TG: variants seen among roughly 807,000 people sequenced by gnomAD.
TG encodes thyroid hormones.
TG carries 270 observed loss-of-function variants against 324.7 expected under a neutral mutation model. The ratio of observed to expected loss-of-function variants is 0.83; its 90% CI spans 0.75 to 0.92. The LOEUF (loss-of-function observed/expected upper bound fraction) is 0.92, where lower values mean the gene tolerates loss of function less well. Among genes scored for constraint, TG ranks in the 40% least tolerant of loss-of-function variants. The pLI is 0.00. For missense variants in TG, 3,591 were observed against 3,456.4 expected (o/e 1.04, Z -0.98); for synonymous variants, 1,401 against 1,327.0 (o/e 1.06, Z -1.21).
At chr8:133,102,545 C>T in intron 43 of TG, 1 of 1,551,594 alleles carries the variant, frequency 6.4e-7, no homozygotes, top group Non-Finnish European at 8.7e-7. Flanking sequence ...GCAAAGTTAG[C>T]AACCTACCGG....
chr8:133,029,743 T>C, intron 40 of TG, 78 bp from the exon 41 acceptor site: 1 of 1,579,230 alleles, frequency 6.3e-7, no homozygotes, highest in Middle Eastern at 1.9e-4. Flanking sequence ...CATATATGCC[T>C]GCCATAGACA....
intron 40 of TG, among the ~76,000 whole-genome samples, chr8:133,024,374 CTTTCTTTCTTTCTTTCTT>C (rs779173622): frequency 0.041 from 4,261 of 103,300 alleles, 183 homozygotes; most frequent in Middle Eastern, 0.074. Flanking sequence ...TTCTTTCTTT[CTTTCTTTCTTTCTTTCTT>C]TTTCTTTTTT....
intron 20 of TG, among the ~76,000 whole-genome samples, chr8:132,915,282 G>A (rs1036245555): frequency 9.2e-5 from 14 of 152,152 alleles, no homozygotes; most frequent in African/African-American, 3.4e-4. Context: ...TGTTGACTCT[G>A]TGCCTTCAAG....
intron 43 of TG, among the ~76,000 whole-genome samples, chr8:133,096,803 C>A (rs1368413556): frequency 6.6e-6 from 1 of 152,192 alleles, no homozygotes; most frequent in Non-Finnish European, 1.5e-5. Context: ...CACCAGGCTT[C>A]CAAGTTAAAT....
At chr8:132,919,105 C>T (rs576016619) in intron 20 of TG, among the ~76,000 whole-genome samples, 2 of 152,184 alleles carry the variant, frequency 1.3e-5, no homozygotes, top group Non-Finnish European at 2.9e-5. Context: ...AACAACCCCC[C>T]TCTTTATTTT....
rs1282078917 is a variant in TG, at chr8:132,882,915, C to T, written c.991C>T (p.Gln331Ter). 1 of 1,614,206 alleles carries T rather than the reference C, an allele frequency of 6.2e-7. No homozygotes were observed. Reference protein sequence around the residue: ...RNGDYQAVQCQTEGPCWCVDA... With the variant: ...RNGDYQAVQC ...TGGCGACTATCAGGCGGTGCAGTGCCAGACGGAAGGGCCCTGCTGGTGTGT... is the reference window on the plus strand; with the variant it reads ...TGGCGACTATCAGGCGGTGCAGTGCTAGACGGAAGGGCCCTGCTGGTGTGT... The change falls in exon 8 of 48, where the codon CAG (glutamine) becomes TAG (stop). Residue 331 changes from glutamine to a stop codon, truncating the protein, a stop_gained. Transcript: ENST00000220616. LOFTEE classifies it high-confidence loss of function.
At chr8:133,127,394 A>G (rs1463461561) in intron 45 of TG, among the ~76,000 whole-genome samples, 1 of 152,212 alleles carries the variant, frequency 6.6e-6, no homozygotes, top group Admixed American at 6.5e-5. Flanking sequence ...CAGCACCAGC[A>G]GGATTAATGA....
chr8:133,132,801 T>C (rs1280405229), intron 46 of TG, among the ~76,000 whole-genome samples: 1 of 152,160 alleles, frequency 6.6e-6, no homozygotes, highest in African/African-American at 2.4e-5. Context: ...TTAGAAAATA[T>C]TTCACTGAGG....
chr8:132,886,094 A>G (rs1035887393), intron 8 of TG, among the ~76,000 whole-genome samples: 1 of 152,158 alleles, frequency 6.6e-6, no homozygotes, highest in Non-Finnish European at 1.5e-5. Context: ...AGACATGAAC[A>G]TCATGTCTGT....
intron 9 of TG, among the ~76,000 whole-genome samples, 188 bp from the exon 10 acceptor site, chr8:132,887,796 T>C (rs566176606): frequency 6.6e-6 from 1 of 152,188 alleles, no homozygotes; most frequent in African/African-American, 2.4e-5. Context: ...CACCAACTGA[T>C]GTCAATGGTG....
chr8:132,935,038 C>A (rs774889035), intron 24 of TG, among the ~76,000 whole-genome samples: 3 of 152,238 alleles, frequency 2.0e-5, no homozygotes, highest in Admixed American at 6.5e-5. Flanking sequence ...TACTGAATTA[C>A]TGAACCTAGT....
At chr8:133,055,371 A>G (rs1440288698) in intron 41 of TG, among the ~76,000 whole-genome samples, 4 of 31,876 alleles carry the variant, frequency 1.3e-4, no homozygotes, top group Admixed American at 5.4e-4. Flanking sequence ...GCGCGCACAC[A>G]CACACACACA....
chr8:132,988,698 A>G, intron 35 of TG: 1 of 985,370 alleles, frequency 1.0e-6, no homozygotes, highest in Non-Finnish European at 1.2e-6. Context: ...TGTACATTGC[A>G]TCTTAAAAGG....
At chr8:133,084,249 C>T (rs1362135347) in intron 41 of TG, among the ~76,000 whole-genome samples, 1 of 152,186 alleles carries the variant, frequency 6.6e-6, no homozygotes, top group Non-Finnish European at 1.5e-5. Context: ...TCTGTCTAGG[C>T]AGTCCCCACT....
chr8:133,131,384 T>C (rs1254609921), intron 45 of TG, among the ~76,000 whole-genome samples: 3 of 152,248 alleles, frequency 2.0e-5, no homozygotes, highest in Non-Finnish European at 4.4e-5. Flanking sequence ...CATAAGAGTG[T>C]GAGTTGTATA....
intron 41 of TG, among the ~76,000 whole-genome samples, chr8:133,041,880 C>T (rs1767954584): frequency 6.6e-6 from 1 of 151,118 alleles, no homozygotes; most frequent in African/African-American, 2.4e-5. Context: ...CTCTGCCTCC[C>T]AGGTTCAAGT....
chr8:132,934,003 C>T (rs1823186943), intron 24 of TG, among the ~76,000 whole-genome samples: 1 of 152,090 alleles, frequency 6.6e-6, no homozygotes, highest in African/African-American at 2.4e-5. Context: ...CTTGGGGTCC[C>T]AGACCCGAAT....
intron 20 of TG, among the ~76,000 whole-genome samples, chr8:132,917,844 G>A (rs1455755873): frequency 6.7e-6 from 1 of 149,940 alleles, no homozygotes; most frequent in Non-Finnish European, 1.5e-5. Context: ...AGGTATAACT[G>A]TCTTATTTTA....
Position 132,941,381 on chromosome 8 carries a change from G to A in TG, c.5072G>A (p.Arg1691His), listed in dbSNP as rs752529458. Reference sequence around the variant, plus strand: ...GGATCCACCACAACACTTCAGAAACGCTTTGAACCCACTGGTTTCCAAAAC... The same window carrying A: ...GGATCCACCACAACACTTCAGAAACACTTTGAACCCACTGGTTTCCAAAAC... Reference protein sequence around the residue: ...GQGSTTTLQKRFEPTGFQNML... With the variant: ...GQGSTTTLQKHFEPTGFQNML... The change falls in exon 26 of 48, where the codon CGC becomes CAC. Residue 1691 changes from arginine (R) to histidine (H), a missense_variant. Coordinates refer to ENST00000220616, the MANE Select transcript of TG (RefSeq NM_003235.5). 8 of 1,614,056 alleles carry A rather than the reference G, an allele frequency of 5.0e-6. No individual in the cohort carries two copies. Among genetic ancestry groups the A allele is most frequent in the African/African-American group, 1.3e-5 (1 of 74,906 alleles).
Sources: allele counts gnomAD v4.1 joint callset (sites outside exome capture counted in the v4.1 genomes callset), GRCh38; gene constraint gnomAD v4.1.1; transcripts MANE v1.5; gene names NCBI Gene and HGNC (gene_info 2026-07-23, HGNC 2026-07-21).